ITGB1: variants seen among roughly 807,000 people sequenced by gnomAD.
ITGB1 encodes integrin subunit beta 1.
In ITGB1, 24 loss-of-function variants were observed where a neutral mutation model predicts 86.5. The observed-to-expected ratio is 0.28, with a 90% CI of 0.20 to 0.39. The LOEUF (loss-of-function observed/expected upper bound fraction) is 0.39, where lower values mean the gene tolerates loss of function less well. Among genes scored for constraint, ITGB1 ranks in the 10% least tolerant of loss-of-function variants. The pLI, the probability that ITGB1 is intolerant of heterozygous loss-of-function variation, is 1.00. For missense variants in ITGB1, 556 were observed against 946.9 expected, an observed-to-expected ratio of 0.59 and a Z score of 5.42; for synonymous variants, 323 against 316.8, an observed-to-expected ratio of 1.02 and a Z score of -0.21.
At chr10:32,910,187 A>T in intron 14 of ITGB1, 36 bp downstream of exon 14, 6 of 1,449,896 alleles carry the variant, frequency 4.1e-6, no homozygotes, top group Non-Finnish European at 5.8e-6. Context: ...GACATACAAG[A>T]TATGAAAAGA....
At position 32,920,068 on chromosome 10, in the gene ITGB1, C is replaced by G. The variant is rs11557912; in HGVS notation, c.1286G>C (p.Ser429Thr). Residue 429 changes from serine (S) to threonine (T), a missense_variant, in exon 11 of 16, where the codon AGC becomes ACC. By Grantham distance (58) the Ser-to-Thr change is moderately conservative (BLOSUM62 1). This residue lies in a region of ITGB1 where 330 missense variants were observed against 531.5 expected (regional missense o/e 0.62). Transcript: ENST00000302278. ...TTTTGGACACTTATTTGAAGTTATGCTAATTTCAAATTGAACCTTGAAGGG... is the reference window on the plus strand; with the variant it reads ...TTTTGGACACTTATTTGAAGTTATGGTAATTTCAAATTGAACCTTGAAGGG... Reference protein sequence around the residue: ...SIGDEVQFEISITSNKCPKKD... With the variant: ...SIGDEVQFEITITSNKCPKKD... 4 of 1,612,916 alleles carry G rather than the reference C, an allele frequency of 2.5e-6. No homozygotes were observed. Among genetic ancestry groups the G allele is most frequent in the Admixed American group, 1.7e-5 (1 of 59,978 alleles).
chr10:32,920,301 C>G lies in ITGB1; in HGVS notation c.1213G>C (p.Val405Leu), dbSNP rs2094945223. Residue 405 changes from valine to leucine, a missense_variant, in exon 10 of 16, where the codon GTG becomes CTG. Transcript: ENST00000302278. Reference sequence around the variant, plus strand: ...CTTCCATTTTCCCCTGTTCCATTCACCCCGTTCTTGCAGTAAGATTTGTAA... The same window carrying G: ...CTTCCATTTTCCCCTGTTCCATTCAGCCCGTTCTTGCAGTAAGATTTGTAA... ...ISYKSYCKNG[V>L]NGTGENGRKC... 1.2e-6 allele frequency: 2 copies of G among 1,613,402 alleles called. No individual in the cohort carries two copies. Among genetic ancestry groups the G allele is most frequent in the African/African-American group, 2.7e-5 (2 of 74,886 alleles).
intron 15 of ITGB1, among the ~76,000 whole-genome samples, chr10:32,902,921 TAAG>T (rs2094885529): frequency 6.6e-6 from 1 of 152,176 alleles, no homozygotes; most frequent in South Asian, 2.1e-4. Context: ...TTATTAACTT[TAAG>T]AAGATTAAGG....
chr10:32,935,324 G>A (rs1468192429), intron 2 of ITGB1, among the ~76,000 whole-genome samples, 168 bp downstream of exon 2: 1 of 152,162 alleles, frequency 6.6e-6, no homozygotes, highest in Non-Finnish European at 1.5e-5. Context: ...GGTGAGGGGA[G>A]CCTGACCATG....
chr10:32,939,770 G>C (rs1168718988), intron 1 of ITGB1, among the ~76,000 whole-genome samples: 1 of 150,728 alleles, frequency 6.6e-6, no homozygotes, highest in Non-Finnish European at 1.5e-5. Context: ...GTGAGTGAGA[G>C]GGGCAAGTGA....
At chr10:32,933,942 T>C (rs968800124) in intron 2 of ITGB1, among the ~76,000 whole-genome samples, 12 of 152,194 alleles carry the variant, frequency 7.9e-5, no homozygotes, top group Non-Finnish European at 1.2e-4. Context: ...AATGTATGTG[T>C]GCACAGTTCA....
chr10:32,906,453 G>A (rs916125495), intron 15 of ITGB1: 13 of 222,194 alleles, frequency 5.9e-5, no homozygotes, highest in African/African-American at 2.9e-4. Context: ...AGCCTAGCAT[G>A]GTGGCAGGCA....
At chr10:32,931,517 G>C (rs2094983323) in intron 3 of ITGB1, among the ~76,000 whole-genome samples, 2 of 152,028 alleles carry the variant, frequency 1.3e-5, no homozygotes, top group South Asian at 4.1e-4. Context: ...TGAAAACCAA[G>C]AGCTTCAGTT....
At chr10:32,933,761 C>T (rs1302762140) in intron 2 of ITGB1, among the ~76,000 whole-genome samples, 1 of 152,098 alleles carries the variant, frequency 6.6e-6, no homozygotes, top group African/African-American at 2.4e-5. Flanking sequence ...TGAGGATGCA[C>T]TTTATATATA....
chr10:32,908,368 C>T lies in ITGB1; in HGVS notation c.2331G>A (p.Thr777=), dbSNP rs754225572. ...EKEKMNAKWD[T]GENPIYKSAV... Reference sequence around the variant, plus strand: ...GCTTTTTGGATGTTTTGTAACTTACCGTGTCCCATTTGGCATTCATTTTCT... The same window carrying T: ...GCTTTTTGGATGTTTTGTAACTTACTGTGTCCCATTTGGCATTCATTTTCT... Residue 777 remains threonine, a splice_region_variant and synonymous_variant, in exon 15 of 16, where the codon ACG becomes ACA. Transcript: ENST00000302278. 1.2e-5 allele frequency: 20 copies of T among 1,613,602 alleles called. No homozygotes were observed. In the East Asian group the frequency reaches 1.3e-4, roughly 11 times the overall value.
chr10:32,955,607 T>A lies in ITGB1; in HGVS notation c.-1+2538A>T, dbSNP rs1406334186. 3 of 152,186 alleles carry A rather than the reference T, an allele frequency of 2.0e-5. No individual in the cohort carries two copies. In the East Asian group the frequency reaches 5.8e-4, roughly 29 times the overall value. The allele number at this position is 152,186 out of a possible 1,614,324, so 9.4% of individuals were successfully genotyped here. A position where few individuals can be genotyped will look rare whatever the true frequency, so the allele number is the denominator to read the frequency against. On this transcript the variant is annotated intron_variant, in intron 1 of 15. Coordinates refer to ENST00000302278, the MANE Select transcript of ITGB1 (RefSeq NM_002211.4). The stretch of plus-strand genomic sequence containing the variant: ...CAAACAATAAAAGCATTACAATCAG[T>A]GGCAAGCACGCTTAGGAAAACTGGC...
At chr10:32,908,945 T>A (rs937443235) in intron 14 of ITGB1, among the ~76,000 whole-genome samples, 1 of 152,224 alleles carries the variant, frequency 6.6e-6, no homozygotes, top group African/African-American at 2.4e-5. Flanking sequence ...CTAATACCGT[T>A]AAGACGTCAA....
chr10:32,902,238 C>G (rs1357527542), intron 15 of ITGB1, among the ~76,000 whole-genome samples: 1 of 152,134 alleles, frequency 6.6e-6, no homozygotes, highest in African/African-American at 2.4e-5. Flanking sequence ...ACTTGTTATG[C>G]TTCAATATCA....
chr10:32,910,478 T>C (rs371061707), intron 13 of ITGB1, 23 bp from the exon 14 acceptor site: 15 of 1,448,032 alleles, frequency 1.0e-5, no homozygotes, highest in African/African-American at 2.8e-5. Flanking sequence ...ACACAAATTA[T>C]GATATTTACA....
chr10:32,954,001 T>A (rs1206346136), intron 1 of ITGB1, among the ~76,000 whole-genome samples: 3 of 152,112 alleles, frequency 2.0e-5, no homozygotes, highest in Non-Finnish European at 4.4e-5. Context: ...CCACCCCCCC[T>A]TGACTATTAA....
rs571201370 is a variant in ITGB1 at position 32,905,216 on chromosome 10, CT to C, written c.2331+3151del. On this transcript the variant is annotated intron_variant, in intron 15 of 15. Transcript: ENST00000302278. The stretch of plus-strand genomic sequence containing the variant: ...TATAATTTTCTGCCATCAAATTTAA[CT>C]TTAAAAATCTTACGGTCTACTTAGA... Among the ~76,000 whole-genome samples, 749 of 152,310 alleles carry C rather than the reference CT, an allele frequency of 4.9e-3. 1 individual carries two copies. The highest frequency in any genetic ancestry group is 7.9e-3 in the Non-Finnish European group (536 of 68,020).
At chr10:32,912,158 A>G in intron 11 of ITGB1, 34 bp from the exon 12 acceptor site, 1 of 1,569,820 alleles carries the variant, frequency 6.4e-7, no homozygotes, top group South Asian at 1.1e-5. Context: ...AATCACACAA[A>G]ACAAAAATAA....
intron 1 of ITGB1, chr10:32,955,691 G>A (rs1340935530): frequency 6.6e-6 from 1 of 152,120 alleles, no homozygotes; most frequent in Non-Finnish European, 1.5e-5. Flanking sequence ...TGTCCCCAGT[G>A]TCACTCCCAG....
At chr10:32,930,436 C>CTT (rs1159522881) in intron 3 of ITGB1, among the ~76,000 whole-genome samples, 1 of 152,088 alleles carries the variant, frequency 6.6e-6, no homozygotes, top group Admixed American at 6.6e-5. Flanking sequence ...CCTTACAAAG[C>CTT]GTCTCATATT....
Sources: gnomAD v4.1 joint callset for allele counts (sites outside exome capture counted in the v4.1 genomes callset) on GRCh38, gnomAD v4.1.1 for gene constraint, gnomAD v4.1.1 regional missense constraint, MANE v1.5 for transcripts, NCBI Gene and HGNC (gene_info 2026-07-23, HGNC 2026-07-21) for gene names.